The following PXDNL variants were observed in gnomAD, a reference collection of about 807,000 sequenced individuals.
PXDNL encodes peroxidasin like.
Under a neutral mutation model 150.8 loss-of-function variants are expected in PXDNL, and 145 were observed. The observed-to-expected ratio is 0.96, with a 90% confidence interval of 0.84 to 1.10. PXDNL has a LOEUF of 1.10. Among genes scored for constraint, PXDNL ranks in the 50% least tolerant of loss-of-function variants. PXDNL has a pLI of 0.00. For missense variants in PXDNL, 2,087 were observed against 1,873.9 expected (o/e 1.11, Z -2.10); for synonymous variants, 757 against 725.7 (o/e 1.04, Z -0.69).
chr8:51,473,788 T>C (rs1353604808), intron 7 of PXDNL, among the ~76,000 whole-genome samples: 1 of 148,490 alleles, frequency 6.7e-6, no homozygotes, highest in Admixed American at 6.7e-5. Context: ...AGGAGCAGAG[T>C]GTAGCCAGCA....
chr8:51,326,565 G>A (rs1350016700), intron 21 of PXDNL, among the ~76,000 whole-genome samples: 1 of 152,088 alleles, frequency 6.6e-6, no homozygotes, highest in Non-Finnish European at 1.5e-5. Flanking sequence ...CCCAGAAATA[G>A]AATTCTCATT....
intron 2 of PXDNL, among the ~76,000 whole-genome samples, chr8:51,616,537 A>G (rs12677741): frequency 0.55 from 83,258 of 152,074 alleles, 24,443 homozygotes; most frequent in Non-Finnish European, 0.66. Flanking sequence ...GGTATCTGTG[A>G]GGCATTGGTT....
Position 51,457,646 on chromosome 8 carries a change from A to G in PXDNL, c.834T>C (p.Asp278=), listed in dbSNP as rs1195866255. ...CATCAAACACATTAAGTCGAGTATC[A>G]TCTTCCAAATCCAATGAGTGGCTGG... ...IHNNHSLDLE[D]DTRLNVFDDG... Residue 278 remains aspartate, a synonymous_variant, in exon 9 of 23, where the codon GAT becomes GAC. Coordinates refer to ENST00000356297, the MANE Select transcript of PXDNL (RefSeq NM_144651.5). The G allele has an allele frequency of 6.2e-7, 1 of 1,613,372 alleles. No individual in the cohort carries two copies. The highest frequency in any genetic ancestry group is 1.7e-5 in the Admixed American group (1 of 59,924).
intron 10 of PXDNL, among the ~76,000 whole-genome samples, chr8:51,452,835 G>A (rs1463259809): frequency 3.3e-5 from 5 of 152,112 alleles, no homozygotes; most frequent in African/African-American, 1.2e-4. Context: ...CCTTTGATAT[G>A]ACTCCAATAG....
rs1304892915 is a variant in PXDNL at position 51,409,287 on chromosome 8, C to T, written c.2337G>A (p.Pro779=). The change falls in exon 17 of 23, where the codon CCG becomes CCA. Residue 779 remains proline, a synonymous_variant. Transcript: ENST00000356297. ...CCCACACTGTGGCGACCAGCCGGGGCGGCGGGAGGGGCTGGCGGGAGCCCA... is the reference window on the plus strand; with the variant it reads ...CCCACACTGTGGCGACCAGCCGGGGTGGCGGGAGGGGCTGGCGGGAGCCCA... The part of the protein sequence containing the change: ...LPVGSRQPLP[P]PRLVATVWAR... 5 of 1,421,642 alleles carry T rather than the reference C, an allele frequency of 3.5e-6. No homozygotes were observed. In the East Asian group the frequency reaches 8.5e-5, roughly 24 times the overall value. The allele number at this position is 1,421,642 out of a possible 1,614,324, so 88.1% of individuals were successfully genotyped here.
chr8:51,654,959 T>G (rs978367805), intron 1 of PXDNL, among the ~76,000 whole-genome samples, 199 bp from the exon 2 acceptor site: 1 of 152,200 alleles, frequency 6.6e-6, no homozygotes, highest in Non-Finnish European at 1.5e-5. Context: ...TTTGCATCTC[T>G]GGGGCCATAT....
At chr8:51,640,710 C>G (rs1234612375) in intron 2 of PXDNL, among the ~76,000 whole-genome samples, 2 of 152,072 alleles carry the variant, frequency 1.3e-5, no homozygotes. Context: ...AAAGAGGATA[C>G]AAAGAAACGG....
chr8:51,363,063 G>A (rs930349168), intron 19 of PXDNL, among the ~76,000 whole-genome samples: 1 of 152,180 alleles, frequency 6.6e-6, no homozygotes, highest in African/African-American at 2.4e-5. Flanking sequence ...CTACCAGCCA[G>A]AATCAAGCCC....
intron 1 of PXDNL, among the ~76,000 whole-genome samples, chr8:51,744,293 GAAGA>G (rs139562733): frequency 5.0e-5 from 7 of 139,318 alleles, no homozygotes; most frequent in Non-Finnish European, 9.1e-5. Flanking sequence ...AGGAAAGAAG[GAAGA>G]AAGAAAGAAA....
At chr8:51,658,602 C>T (rs749648962) in intron 1 of PXDNL, among the ~76,000 whole-genome samples, 3 of 152,096 alleles carry the variant, frequency 2.0e-5, no homozygotes, top group Non-Finnish European at 4.4e-5. Flanking sequence ...GGATTGCATA[C>T]AGGGCCTTGC....
At chr8:51,770,445 G>A (rs548048109) in intron 1 of PXDNL, among the ~76,000 whole-genome samples, 9 of 152,294 alleles carry the variant, frequency 5.9e-5, no homozygotes, top group Admixed American at 1.3e-4. Context: ...GGGGACGGAG[G>A]TGTCCAAACT....
At chr8:51,378,574 C>G (rs970152313) in intron 17 of PXDNL, among the ~76,000 whole-genome samples, 3 of 152,332 alleles carry the variant, frequency 2.0e-5, no homozygotes, top group Non-Finnish European at 4.4e-5. Flanking sequence ...TACCATTCCA[C>G]TCTGTGGAAG....
intron 1 of PXDNL, among the ~76,000 whole-genome samples, chr8:51,776,177 T>C (rs778137369): frequency 6.6e-6 from 1 of 152,198 alleles, no homozygotes; most frequent in Non-Finnish European, 1.5e-5. Context: ...TGACAATGCG[T>C]GCCCAAAACT....
At chr8:51,736,119 T>A (rs1328180246) in intron 1 of PXDNL, among the ~76,000 whole-genome samples, 9 of 152,192 alleles carry the variant, frequency 5.9e-5, no homozygotes, top group Non-Finnish European at 1.5e-5. Context: ...GATTTTTATG[T>A]CTAAATAAAT....
At chr8:51,343,714 G>T (rs368411512) in intron 20 of PXDNL, among the ~76,000 whole-genome samples, 4 of 152,242 alleles carry the variant, frequency 2.6e-5, no homozygotes, top group African/African-American at 9.6e-5. Flanking sequence ...CACTGGAAGG[G>T]ACTGATCCCC....
chr8:51,675,832 T>A (rs1018081448), intron 1 of PXDNL, among the ~76,000 whole-genome samples: 3 of 147,708 alleles, frequency 2.0e-5, no homozygotes, highest in Non-Finnish European at 3.0e-5. Context: ...TCATAATCTG[T>A]TATAGCAGCA....
intron 10 of PXDNL, among the ~76,000 whole-genome samples, chr8:51,452,879 C>T (rs534448721): frequency 9.9e-5 from 15 of 151,698 alleles, no homozygotes; most frequent in Admixed American, 7.9e-4. Flanking sequence ...AACTCTAACC[C>T]TACAGGAAGA....
chr8:51,574,709 C>A (rs1387000191), intron 3 of PXDNL, among the ~76,000 whole-genome samples: 1 of 152,048 alleles, frequency 6.6e-6, no homozygotes, highest in Non-Finnish European at 1.5e-5. Context: ...ATAGGTATGA[C>A]AGCAGATTTC....
At chr8:51,587,929 T>C (rs182510752) in intron 3 of PXDNL, among the ~76,000 whole-genome samples, 44 of 152,044 alleles carry the variant, frequency 2.9e-4, no homozygotes, top group Admixed American at 2.0e-3. Context: ...AGTGGGGAAA[T>C]CAGAAAATAA....
Sources: allele counts gnomAD v4.1 joint callset (sites outside exome capture counted in the v4.1 genomes callset), GRCh38; gene constraint gnomAD v4.1.1; transcripts MANE v1.5; gene names NCBI Gene and HGNC (gene_info 2026-07-23, HGNC 2026-07-21).